Variants in TCF7L1 observed in about 807,000 individuals in gnomAD.
TCF7L1 encodes transcription factor 7 like 1.
Under a neutral mutation model 63.7 loss-of-function variants are expected in TCF7L1, and 18 were observed. The ratio of observed to expected loss-of-function variants is 0.28; its 90% CI spans 0.20 to 0.42. TCF7L1 has a LOEUF of 0.42. Among genes scored for constraint, TCF7L1 ranks in the 10% least tolerant of loss-of-function variants. The pLI is 1.00. For missense variants in TCF7L1, 654 were observed against 779.3 expected, an observed-to-expected ratio of 0.84 and a Z score of 1.91; for synonymous variants, 355 against 340.9, an observed-to-expected ratio of 1.04 and a Z score of -0.46.
intron 3 of TCF7L1, among the ~76,000 whole-genome samples, chr2:85,278,820 T>C (rs1681344564): frequency 6.6e-6 from 1 of 152,218 alleles, no homozygotes; most frequent in Non-Finnish European, 1.5e-5. Context: ...TCGAAGACAG[T>C]AGTACCTGCC....
At chr2:85,162,099 G>A (rs1376896864) in intron 3 of TCF7L1, among the ~76,000 whole-genome samples, 1 of 151,928 alleles carries the variant, frequency 6.6e-6, no homozygotes, top group Admixed American at 6.6e-5. Context: ...GCTGGGTGTG[G>A]TGATGCATGC....
At chr2:85,275,633 G>A (rs888863971) in intron 3 of TCF7L1, among the ~76,000 whole-genome samples, 1 of 152,190 alleles carries the variant, frequency 6.6e-6, no homozygotes, top group African/African-American at 2.4e-5. Flanking sequence ...TAAGACCAGT[G>A]TAGGCCAGGT....
At chr2:85,271,190 GCAACTT>G (rs1302179490) in intron 3 of TCF7L1, among the ~76,000 whole-genome samples, 2 of 152,008 alleles carry the variant, frequency 1.3e-5, no homozygotes, top group African/African-American at 4.8e-5. Context: ...TCAGCTCACT[GCAACTT>G]CTGCCTCCCA....
At chr2:85,241,431 GTTT>G (rs1273488175) in intron 3 of TCF7L1, among the ~76,000 whole-genome samples, 1 of 68,782 alleles carries the variant, frequency 1.5e-5, no homozygotes, top group African/African-American at 5.2e-5. Flanking sequence ...GATGCACTTT[GTTT>G]TTGTTTTTTT....
chr2:85,261,974 T>G (rs1025598862), intron 3 of TCF7L1, among the ~76,000 whole-genome samples: 7 of 152,242 alleles, frequency 4.6e-5, no homozygotes, highest in African/African-American at 9.6e-5. Context: ...ATGTTCATAT[T>G]GGACAAAGGA....
At chr2:85,308,338 CTT>C (rs1459902318) in intron 11 of TCF7L1, among the ~76,000 whole-genome samples, 2 of 128,506 alleles carry the variant, frequency 1.6e-5, no homozygotes, top group Non-Finnish European at 3.5e-5. Flanking sequence ...TTCAATCTCT[CTT>C]CTTCATTCCT....
intron 3 of TCF7L1, among the ~76,000 whole-genome samples, chr2:85,184,505 A>G (rs1678870736): frequency 6.6e-6 from 1 of 152,212 alleles, no homozygotes; most frequent in South Asian, 2.1e-4. Flanking sequence ...AAATAGGTCT[A>G]TAGTCCTTGG....
chr2:85,172,784 T>G (rs1477834154), intron 3 of TCF7L1, among the ~76,000 whole-genome samples: 1 of 152,100 alleles, frequency 6.6e-6, no homozygotes, highest in Non-Finnish European at 1.5e-5. Context: ...TCTTCCCTCC[T>G]TTAGTTTAAC....
chr2:85,181,429 TG>T (rs1678804030), intron 3 of TCF7L1, among the ~76,000 whole-genome samples: 1 of 152,142 alleles, frequency 6.6e-6, no homozygotes, highest in Non-Finnish European at 1.5e-5. Context: ...CTGCTGGGCA[TG>T]GGCCCGCCTG....
intron 3 of TCF7L1, among the ~76,000 whole-genome samples, chr2:85,140,305 G>C (rs778542254): frequency 4.6e-5 from 7 of 152,208 alleles, no homozygotes; most frequent in Non-Finnish European, 1.0e-4. Flanking sequence ...TTTCATTGGA[G>C]ACACGTTAGG....
chr2:85,153,080 TAC>T (rs1319949864), intron 3 of TCF7L1, among the ~76,000 whole-genome samples: 1 of 152,230 alleles, frequency 6.6e-6, no homozygotes, highest in Admixed American at 6.5e-5. Flanking sequence ...CCTATGTGAT[TAC>T]ATCATCATCA....
At chr2:85,190,353 G>A (rs939807159) in intron 3 of TCF7L1, among the ~76,000 whole-genome samples, 3 of 152,206 alleles carry the variant, frequency 2.0e-5, no homozygotes, top group Admixed American at 6.5e-5. Flanking sequence ...GGAAGTTGCC[G>A]TAGAACAGAG....
chr2:85,250,582 G>A (rs1025255510), intron 3 of TCF7L1, among the ~76,000 whole-genome samples: 2 of 151,964 alleles, frequency 1.3e-5, no homozygotes, highest in South Asian at 2.1e-4. Context: ...GATTACAGGC[G>A]CCGGCCACCA....
At position 85,242,719 on chromosome 2, in the gene TCF7L1, C is replaced by T. The variant is rs892824868; in HGVS notation, c.442-40776C>T. 6.6e-5 allele frequency among the ~76,000 whole-genome samples: 10 copies of T among 152,328 alleles called. No individual in the cohort carries two copies. The East Asian group carries it at 1.9e-3, about 29-fold the overall frequency. ...CTCCTGCTCACAGCACCCACTTTCTCCCCTTCCACACGGGATGTGTTGCTT... is the reference window on the plus strand; with the variant it reads ...CTCCTGCTCACAGCACCCACTTTCTTCCCTTCCACACGGGATGTGTTGCTT... On this transcript the variant is annotated intron_variant, in intron 3 of 11. Coordinates refer to ENST00000282111, the MANE Select transcript of TCF7L1 (RefSeq NM_031283.3).
At chr2:85,308,222 G>C (rs1229957113) in intron 11 of TCF7L1, among the ~76,000 whole-genome samples, 1 of 152,090 alleles carries the variant, frequency 6.6e-6, no homozygotes, top group African/African-American at 2.4e-5. Flanking sequence ...GCCTAGCACA[G>C]AAAGATGCTC....
intron 3 of TCF7L1, among the ~76,000 whole-genome samples, chr2:85,273,167 C>T (rs1375756230): frequency 3.3e-5 from 5 of 152,336 alleles, no homozygotes; most frequent in Non-Finnish European, 5.9e-5. Context: ...CTCCTCCTCA[C>T]TCACAACAGC....
At chr2:85,259,399 C>G (rs1573014011) in intron 3 of TCF7L1, among the ~76,000 whole-genome samples, 1 of 152,226 alleles carries the variant, frequency 6.6e-6, no homozygotes, top group East Asian at 1.9e-4. Flanking sequence ...TGTAGGAAAT[C>G]TTAGTGCTCG....
At chr2:85,288,589 G>A (rs1250132783) in intron 4 of TCF7L1, among the ~76,000 whole-genome samples, 2 of 152,186 alleles carry the variant, frequency 1.3e-5, no homozygotes, top group Admixed American at 6.5e-5. Context: ...GAAGGAAACA[G>A]CCTGCATACT....
intron 4 of TCF7L1, among the ~76,000 whole-genome samples, chr2:85,283,996 TTTTG>T (rs1057332483): frequency 6.6e-6 from 1 of 151,618 alleles, no homozygotes; most frequent in Non-Finnish European, 1.5e-5. Flanking sequence ...GCTCTTCTGT[TTTTG>T]TTTTTGTTTT....
Sources: allele counts gnomAD v4.1 joint callset (sites outside exome capture counted in the v4.1 genomes callset), GRCh38; gene constraint gnomAD v4.1.1; transcripts MANE v1.5; gene names NCBI Gene and HGNC (gene_info 2026-07-23, HGNC 2026-07-21).